The following RABGAP1L variants were observed in gnomAD, a reference collection of about 807,000 sequenced individuals.
RABGAP1L encodes rab GTPase-activating protein 1-like.
RABGAP1L carries 63 observed loss-of-function variants against 137.7 expected under a neutral mutation model. That is an observed-to-expected ratio of 0.46 (90% CI 0.37 to 0.56). The LOEUF (loss-of-function observed/expected upper bound fraction) is 0.56. Among genes scored for constraint, RABGAP1L ranks in the 20% least tolerant of loss-of-function variants. RABGAP1L has a pLI of 0.00. For missense variants in RABGAP1L, 1,095 were observed against 1,244.0 expected (o/e 0.88, Z 1.80); for synonymous variants, 431 against 433.7 (o/e 0.99, Z 0.08).
At chr1:174,453,616 A>G (rs1655691714) in intron 13 of RABGAP1L, among the ~76,000 whole-genome samples, 1 of 152,168 alleles carries the variant, frequency 6.6e-6, no homozygotes, top group Non-Finnish European at 1.5e-5. Context: ...TCTGACGTGT[A>G]GGTTCCAAAA....
intron 14 of RABGAP1L, among the ~76,000 whole-genome samples, chr1:174,659,026 A>G (rs139427449): frequency 1.3e-5 from 2 of 152,284 alleles, no homozygotes; most frequent in East Asian, 3.9e-4. Flanking sequence ...GTAAGACCCT[A>G]TCCAGGCAGC....
intron 14 of RABGAP1L, among the ~76,000 whole-genome samples, chr1:174,659,054 C>T (rs759550076): frequency 4.1e-4 from 63 of 152,100 alleles, no homozygotes; most frequent in Admixed American, 1.8e-3. Flanking sequence ...TCATTCCTGA[C>T]GATAAATCAA....
chr1:174,463,624 T>C (rs937939991), intron 13 of RABGAP1L, among the ~76,000 whole-genome samples: 5 of 151,908 alleles, frequency 3.3e-5, no homozygotes, highest in Admixed American at 6.6e-5. Context: ...AACTAACCTG[T>C]ACATTGTGCA....
At chr1:174,634,963 G>A (rs1248835508) in intron 13 of RABGAP1L, among the ~76,000 whole-genome samples, 4 of 148,878 alleles carry the variant, frequency 2.7e-5, no homozygotes, top group Non-Finnish European at 5.9e-5. Context: ...CAGCGCACCA[G>A]CATGGCACAT....
chr1:174,711,463 C>T (rs535482173), intron 17 of RABGAP1L, among the ~76,000 whole-genome samples: 9 of 152,172 alleles, frequency 5.9e-5, no homozygotes, highest in South Asian at 4.1e-4. Flanking sequence ...TCCAGGTGGG[C>T]GCGGGCTTGG....
chr1:174,637,931 AT>A (rs1225877864), intron 14 of RABGAP1L, among the ~76,000 whole-genome samples: 15 of 152,206 alleles, frequency 9.9e-5, no homozygotes, highest in African/African-American at 3.6e-4. Flanking sequence ...CACATCATAT[AT>A]TTTTGTACGG....
Position 174,370,934 on chromosome 1 carries a change from T to C in RABGAP1L, c.1466-45T>C, listed in dbSNP as rs745457307. 1.8e-5 allele frequency: 19 copies of C among 1,046,874 alleles called. No individual in the cohort carries two copies. The Admixed American group carries it at 3.0e-4, about 17-fold the overall frequency. 64.8% of individuals were successfully genotyped at this position (1,046,874 alleles called of 1,614,324 possible). ...TGTATGATATATAAAGTATCTACTGTAATATATAAAATAATGTTTGTTGGT... is the reference window on the plus strand; with the variant it reads ...TGTATGATATATAAAGTATCTACTGCAATATATAAAATAATGTTTGTTGGT... On this transcript the variant is annotated intron_variant, in intron 11 of 25. Transcript: ENST00000681986.
At chr1:174,327,177 C>G (rs1399030290) in intron 11 of RABGAP1L, among the ~76,000 whole-genome samples, 1 of 152,138 alleles carries the variant, frequency 6.6e-6, no homozygotes, top group Non-Finnish European at 1.5e-5. Context: ...TACTCTAATG[C>G]AGTGATTGTG....
chr1:174,913,289 T>C (rs1317008933), intron 19 of RABGAP1L, among the ~76,000 whole-genome samples: 1 of 152,160 alleles, frequency 6.6e-6, no homozygotes, highest in African/African-American at 2.4e-5. Flanking sequence ...ACATGCTTAT[T>C]TCTAAGAGCT....
intron 13 of RABGAP1L, among the ~76,000 whole-genome samples, chr1:174,498,507 A>T (rs1319167444): frequency 6.6e-6 from 1 of 151,592 alleles, no homozygotes; most frequent in Non-Finnish European, 1.5e-5. Context: ...TTTATTTTTT[A>T]TTTTTTTGAG....
chr1:174,663,187 C>T (rs1557962739), intron 14 of RABGAP1L, among the ~76,000 whole-genome samples: 3 of 152,208 alleles, frequency 2.0e-5, no homozygotes, highest in Admixed American at 2.0e-4. Flanking sequence ...AGAGCAACTT[C>T]CAGTCCTGCC....
intron 17 of RABGAP1L, among the ~76,000 whole-genome samples, chr1:174,727,630 T>G (rs1682101355): frequency 6.6e-6 from 1 of 152,194 alleles, no homozygotes; most frequent in Non-Finnish European, 1.5e-5. Context: ...GTGACTATAG[T>G]CAACAATAAG....
intron 13 of RABGAP1L, among the ~76,000 whole-genome samples, chr1:174,480,903 T>G (rs939901658): frequency 2.2e-4 from 33 of 152,272 alleles, no homozygotes; most frequent in African/African-American, 7.9e-4. Context: ...AACTGTGCCT[T>G]ATAGTCCATA....
chr1:174,780,098 A>G (rs1419874547), intron 18 of RABGAP1L, among the ~76,000 whole-genome samples: 2 of 147,966 alleles, frequency 1.4e-5, no homozygotes, highest in East Asian at 3.9e-4. Flanking sequence ...AAATAAATAA[A>G]TAAATAAATA....
chr1:174,470,275 CA>C (rs1210683889), intron 13 of RABGAP1L, among the ~76,000 whole-genome samples: 1 of 152,100 alleles, frequency 6.6e-6, no homozygotes, highest in East Asian at 1.9e-4. Context: ...TCTAGCCCCT[CA>C]AAAGCCAGTT....
chr1:174,334,693 T>G (rs957617065), intron 11 of RABGAP1L, among the ~76,000 whole-genome samples: 1 of 152,188 alleles, frequency 6.6e-6, no homozygotes, highest in East Asian at 1.9e-4. Context: ...CACATGGTTC[T>G]TTCTCTCCCC....
At chr1:174,632,902 C>G (rs1462134786) in intron 13 of RABGAP1L, among the ~76,000 whole-genome samples, 1 of 151,954 alleles carries the variant, frequency 6.6e-6, no homozygotes, top group Admixed American at 6.6e-5. Flanking sequence ...TCGTCAAAAT[C>G]ATTCTCCATC....
At chr1:174,518,920 A>G (rs552600408) in intron 13 of RABGAP1L, among the ~76,000 whole-genome samples, 140 of 152,254 alleles carry the variant, frequency 9.2e-4, no homozygotes, top group African/African-American at 3.0e-3. Context: ...AAAGTTCCCA[A>G]CAGGAATGAT....
chr1:174,918,285 C>G (rs1661205786), intron 19 of RABGAP1L, among the ~76,000 whole-genome samples: 1 of 152,104 alleles, frequency 6.6e-6, no homozygotes, highest in South Asian at 2.1e-4. Context: ...CTACAGTCTC[C>G]TTTGTTTCTA....
Sources: allele counts gnomAD v4.1 joint callset (sites outside exome capture counted in the v4.1 genomes callset), GRCh38; gene constraint gnomAD v4.1.1; transcripts MANE v1.5; gene names NCBI Gene and HGNC (gene_info 2026-07-23, HGNC 2026-07-21).